SH2D6: variants seen among roughly 807,000 people sequenced by gnomAD.
SH2D6 encodes the protein SH2 domain containing 6, also known as SH2 domain-containing protein 6.
Under a neutral mutation model 30.2 loss-of-function variants are expected in SH2D6, and 31 were observed. The ratio of observed to expected loss-of-function variants is 1.03; its 90% CI spans 0.77 to 1.38. The LOEUF (loss-of-function observed/expected upper bound fraction) is 1.38. Among genes scored for constraint, SH2D6 ranks in the 40% most tolerant of loss-of-function variants. The probability of loss-of-function intolerance (pLI) is 0.00; values close to 1 mark genes in which losing one functional copy is unlikely to be tolerated. For missense variants in SH2D6, 240 were observed against 266.8 expected (o/e 0.90, Z 0.70); for synonymous variants, 93 against 104.6 (o/e 0.89, Z 0.68).
intron 5 of SH2D6, among the ~76,000 whole-genome samples, chr2:85,424,791 G>C (rs1051479461): frequency 6.7e-6 from 1 of 149,828 alleles, no homozygotes; most frequent in Non-Finnish European, 1.5e-5. Context: ...GTCCTGGCTG[G>C]GCTTGTTGGC....
At chr2:85,432,549 C>A (rs1463302030) in intron 14 of SH2D6, among the ~76,000 whole-genome samples, 1 of 151,702 alleles carries the variant, frequency 6.6e-6, no homozygotes, top group Non-Finnish European at 1.5e-5. Flanking sequence ...TACAGGCGCC[C>A]GCTACCACGC....
chr2:85,420,096 G>A (rs1687691961), intron 2 of SH2D6, among the ~76,000 whole-genome samples: 1 of 150,640 alleles, frequency 6.6e-6, no homozygotes, highest in Non-Finnish European at 1.5e-5. Flanking sequence ...GTTCTGTTTT[G>A]TTTGTTTGTT....
chr2:85,423,327 G>C (rs994435935), intron 5 of SH2D6, among the ~76,000 whole-genome samples: 1 of 152,204 alleles, frequency 6.6e-6, no homozygotes, highest in Non-Finnish European at 1.5e-5. Context: ...CACCTCCCAG[G>C]TTCAAGTGAT....
Position 85,434,366 on chromosome 2 carries a change from G to A in SH2D6, c.560G>A (p.Arg187Gln), listed in dbSNP as rs72936697. 158 of 1,549,356 alleles carry A rather than the reference G, an allele frequency of 1.0e-4. No homozygotes were observed. The African/African-American group carries it at 1.1e-3, about 11-fold the overall frequency. Residue 187 changes from arginine to glutamine, a missense_variant, in exon 18 of 24, where the codon CGG becomes CAG. Transcript: ENST00000469800. ...PRPTTAPQET[R>Q]NGTADAASKE... is the part of the protein sequence containing the mutation. ...CCTACCACAGCCCCCCAGGAAACTC[G>A]GAATGTAAGAGGCTGATGGTCAGGG... is the stretch of plus-strand genomic sequence containing the variant.
chr2:85,435,508 C>A lies in SH2D6; in HGVS notation c.732+12C>A. On this transcript the variant is annotated intron_variant, in intron 21 of 23. Transcript: ENST00000469800. ...TCCACTTACAAAAGGTGGGCAGCCA[C>A]GGACCCCGGGTCTTCTCCAAAACCC... 1 of 1,612,328 alleles carries A rather than the reference C, an allele frequency of 6.2e-7. No homozygotes were observed. Among genetic ancestry groups the A allele is most frequent in the South Asian group, 1.1e-5 (1 of 90,902 alleles).
At chr2:85,426,016 T>C (rs1573210988) in intron 6 of SH2D6, among the ~76,000 whole-genome samples, 1 of 152,272 alleles carries the variant, frequency 6.6e-6, no homozygotes, top group East Asian at 1.9e-4. Context: ...ATGTAAAGCA[T>C]GTTTAGCAGC....
At chr2:85,432,384 TA>T (rs1558760688) in intron 14 of SH2D6, among the ~76,000 whole-genome samples, 2 of 129,962 alleles carry the variant, frequency 1.5e-5, no homozygotes, top group Non-Finnish European at 3.7e-5. Context: ...TTTATTTATT[TA>T]TTTTTTTTGT....
intron 5 of SH2D6, among the ~76,000 whole-genome samples, chr2:85,424,849 C>G (rs1687918528): frequency 6.6e-6 from 1 of 152,046 alleles, no homozygotes; most frequent in Non-Finnish European, 1.5e-5. Context: ...AGGTGGATCA[C>G]AAGGTCAGGA....
chr2:85,432,019 C>T (rs904984780), intron 14 of SH2D6, 60 bp downstream of exon 14: 2 of 152,794 alleles, frequency 1.3e-5, no homozygotes, highest in Non-Finnish European at 1.5e-5. Context: ...ACTCCCGCCA[C>T]GGGGTAGAGC....
chr2:85,419,875 A>G (rs779072999), intron 2 of SH2D6, among the ~76,000 whole-genome samples: 89 of 152,320 alleles, frequency 5.8e-4, no homozygotes, highest in Non-Finnish European at 1.1e-3. Context: ...TCTTGATAGC[A>G]GATGTGGGGT....
intron 2 of SH2D6, chr2:85,421,484 A>T (rs1453258676): frequency 6.6e-6 from 1 of 152,240 alleles, no homozygotes; most frequent in African/African-American, 2.4e-5. Flanking sequence ...GCTTTGCGCA[A>T]CCTGTAAAGA....
rs951209396 is a variant in SH2D6 at position 85,430,748 on chromosome 2, C to T, written c.250+96C>T. 16 of 152,154 alleles carry T rather than the reference C, an allele frequency of 1.1e-4. No individual in the cohort carries two copies. Among genetic ancestry groups the T allele is most frequent in the African/African-American group, 3.9e-4 (16 of 41,322 alleles). The allele number at this position is 152,154 out of a possible 1,614,324, so 9.4% of individuals were successfully genotyped here. The stretch of plus-strand genomic sequence containing the variant: ...GAGGACATAGGCCTCGCCTCTCCTC[C>T]CCTGCCCGCACTAAGGCAGCAAAGG... On this transcript the variant is annotated intron_variant, in intron 12 of 23. Coordinates refer to ENST00000469800, the MANE Select transcript of SH2D6 (RefSeq NM_001394463.1). This position sits in a 1 kb window ranked among gnomAD's most constrained non-coding sequence, Gnocchi z 4.3.
intron 2 of SH2D6, among the ~76,000 whole-genome samples, chr2:85,420,567 A>T (rs1687713657): frequency 6.6e-6 from 1 of 152,274 alleles, no homozygotes; most frequent in Non-Finnish European, 1.5e-5. Flanking sequence ...TGCTCCCTGA[A>T]GATCCAACCA....
chr2:85,420,498 C>T (rs75770276), intron 2 of SH2D6, among the ~76,000 whole-genome samples: 3,490 of 152,348 alleles, frequency 0.023, 70 homozygotes, highest in African/African-American at 0.054. Flanking sequence ...ACCAGACCCT[C>T]AAGTCAGTAA....
At chr2:85,431,843 C>G (rs908006918) in intron 13 of SH2D6, 56 bp from the exon 14 acceptor site, 2 of 152,752 alleles carry the variant, frequency 1.3e-5, no homozygotes, top group Non-Finnish European at 2.9e-5. Flanking sequence ...CTATCCCGCC[C>G]CATCCTTGCC....
chr2:85,436,713 A>T (rs1689504587), intron 23 of SH2D6, 119 bp downstream of exon 23: 2 of 779,484 alleles, frequency 2.6e-6, no homozygotes, highest in East Asian at 2.6e-5. Context: ...AGCAGCATTA[A>T]TGGGGAAAGC....
At chr2:85,424,387 C>G (rs1241205444) in intron 5 of SH2D6, among the ~76,000 whole-genome samples, 3 of 151,920 alleles carry the variant, frequency 2.0e-5, no homozygotes, top group African/African-American at 7.3e-5. Context: ...TCACATCTCC[C>G]TCCCTCTTTC....
chr2:85,433,274 G>A (rs1688976109), intron 15 of SH2D6, among the ~76,000 whole-genome samples, 153 bp downstream of exon 15: 1 of 152,210 alleles, frequency 6.6e-6, no homozygotes, highest in Non-Finnish European at 1.5e-5. Flanking sequence ...ACAGGCCCCT[G>A]GCAGGCAATG....
intron 14 of SH2D6, 58 bp from the exon 15 acceptor site, chr2:85,433,041 T>C: frequency 3.0e-6 from 3 of 985,892 alleles, no homozygotes; most frequent in Non-Finnish European, 3.6e-6. Flanking sequence ...TCAGTCCCGC[T>C]GAATTCCTTT....
Sources: gnomAD v4.1 joint callset for allele counts (sites outside exome capture counted in the v4.1 genomes callset) on GRCh38, gnomAD v4.1.1 for gene constraint, Gnocchi (gnomAD v3.1) non-coding constraint, MANE v1.5 for transcripts, NCBI Gene and HGNC (gene_info 2026-07-23, HGNC 2026-07-21) for gene names.